Variants in CNTN3 observed in about 807,000 individuals in gnomAD.
The protein encoded by CNTN3 is contactin-3.
Under a neutral mutation model 119.1 loss-of-function variants are expected in CNTN3, and 60 were observed. The observed-to-expected ratio is 0.50, with a 90% CI of 0.41 to 0.62. CNTN3 has a LOEUF of 0.62. CNTN3 is among the 20% of genes least tolerant of loss of function. The pLI is 0.00. For missense variants in CNTN3, 1,101 were observed against 1,242.4 expected, an observed-to-expected ratio of 0.89 and a Z score of 1.71; for synonymous variants, 450 against 438.7, an observed-to-expected ratio of 1.03 and a Z score of -0.32.
At chr3:74,504,483 T>C (rs1703218143) in intron 2 of CNTN3, among the ~76,000 whole-genome samples, 1 of 152,166 alleles carries the variant, frequency 6.6e-6, no homozygotes, top group Non-Finnish European at 1.5e-5. Context: ...AGAAATGAGA[T>C]ATCTTCTATT....
chr3:74,578,128 C>T (rs887515286), intron 1 of CNTN3, among the ~76,000 whole-genome samples: 9 of 151,968 alleles, frequency 5.9e-5, no homozygotes, highest in Non-Finnish European at 1.0e-4. Flanking sequence ...TGAATGACTA[C>T]ATATTTGAAA....
chr3:74,461,396 T>C (rs1333498564), intron 4 of CNTN3, among the ~76,000 whole-genome samples: 1 of 152,086 alleles, frequency 6.6e-6, no homozygotes, highest in Non-Finnish European at 1.5e-5. Flanking sequence ...ATCTCTGTAA[T>C]GTCTTTTAAC....
chr3:74,326,248 T>C (rs1215134738), intron 13 of CNTN3, among the ~76,000 whole-genome samples: 1 of 152,154 alleles, frequency 6.6e-6, no homozygotes, highest in Non-Finnish European at 1.5e-5. Flanking sequence ...TTATCTATCT[T>C]TTCAGGGAGG....
intron 4 of CNTN3, among the ~76,000 whole-genome samples, chr3:74,456,930 C>T (rs1236786518): frequency 6.6e-6 from 1 of 151,978 alleles, no homozygotes; most frequent in Non-Finnish European, 1.5e-5. Flanking sequence ...TTTATGTACA[C>T]TCCACATACT....
chr3:74,421,033 C>T (rs1701607761), intron 5 of CNTN3, among the ~76,000 whole-genome samples: 1 of 152,156 alleles, frequency 6.6e-6, no homozygotes, highest in Non-Finnish European at 1.5e-5. Context: ...TGTACATTAT[C>T]ACACATCTTC....
chr3:74,279,698 T>C (rs1409297323), intron 20 of CNTN3, among the ~76,000 whole-genome samples: 3 of 152,038 alleles, frequency 2.0e-5, no homozygotes, highest in African/African-American at 7.2e-5. Flanking sequence ...TGTATACCAC[T>C]TGGGGGATGG....
intron 1 of CNTN3, among the ~76,000 whole-genome samples, chr3:74,575,656 C>T (rs1485204993): frequency 1.5e-5 from 2 of 134,112 alleles, no homozygotes; most frequent in Non-Finnish European, 3.3e-5. Flanking sequence ...TCAAACTACA[C>T]ACCCAGGGCT....
chr3:74,422,398 C>T (rs563812215), intron 5 of CNTN3, among the ~76,000 whole-genome samples: 1 of 152,322 alleles, frequency 6.6e-6, no homozygotes, highest in African/African-American at 2.4e-5. Flanking sequence ...ATTTGACTTA[C>T]ACTGTCATCC....
intron 4 of CNTN3, among the ~76,000 whole-genome samples, chr3:74,486,061 A>G (rs750315769): frequency 5.3e-5 from 8 of 149,896 alleles, no homozygotes; most frequent in Non-Finnish European, 8.9e-5. Flanking sequence ...AAAGTTCTTC[A>G]AAAGCAAGGA....
intron 1 of CNTN3, among the ~76,000 whole-genome samples, chr3:74,568,425 T>C (rs909310202): frequency 2.0e-5 from 3 of 152,194 alleles, no homozygotes; most frequent in African/African-American, 7.2e-5. Flanking sequence ...TAATTGCTGG[T>C]ATATCTGGAA....
rs570429907 is a variant in CNTN3 at position 74,570,065 on chromosome 3, C to A, written c.-81+44326G>T. Among the ~76,000 whole-genome samples the A allele has an allele frequency of 5.6e-4, 86 of 152,252 alleles. 3 individuals carry two copies. The South Asian group carries it at 0.018, about 32-fold the overall frequency. ...GCTTCTGCAAGCAGCCTGAGAAAAA[C>A]CTCTGCTTTAGAGGGTTCGTCCAAC... On this transcript the variant is annotated intron_variant, in intron 1 of 22. Transcript: ENST00000263665.
intron 4 of CNTN3, among the ~76,000 whole-genome samples, chr3:74,473,275 C>T (rs1037833031): frequency 7.9e-5 from 12 of 151,698 alleles, no homozygotes; most frequent in African/African-American, 2.9e-4. Flanking sequence ...AGGGGGTAGA[C>T]TCCTTCGTAA....
intron 19 of CNTN3, among the ~76,000 whole-genome samples, chr3:74,288,149 CTTTTCTTTTCT>C (rs1341376646): frequency 7.7e-6 from 1 of 130,106 alleles, no homozygotes; most frequent in African/African-American, 3.2e-5. Flanking sequence ...TTTTTCTTTT[CTTTTCTTTTCT>C]TTTTTTTTTT....
At chr3:74,506,099 C>A (rs962777696) in intron 2 of CNTN3, among the ~76,000 whole-genome samples, 1 of 152,146 alleles carries the variant, frequency 6.6e-6, no homozygotes. Context: ...CCTCTAATTG[C>A]AACCTGCCTA....
chr3:74,578,456 G>A (rs1002703915), intron 1 of CNTN3, among the ~76,000 whole-genome samples: 38 of 152,100 alleles, frequency 2.5e-4, no homozygotes, highest in African/African-American at 8.9e-4. Flanking sequence ...AGTTAAATGA[G>A]AGGACTTTTC....
Position 74,438,487 on chromosome 3 carries a change from T to C in CNTN3, c.359-13547A>G, listed in dbSNP as rs139690256. Among the ~76,000 whole-genome samples, 11 of 152,364 alleles carry C rather than the reference T, an allele frequency of 7.2e-5. No individual in the cohort carries two copies. The East Asian group carries it at 1.9e-3, about 27-fold the overall frequency. On this transcript the variant is annotated intron_variant, in intron 4 of 22. Coordinates refer to ENST00000263665, the MANE Select transcript of CNTN3 (RefSeq NM_020872.3). ...CAAAGATAAACCCTGTGTCTTTTCC[T>C]AGCCACATCTATCCAGACTTATTTG...
intron 4 of CNTN3, among the ~76,000 whole-genome samples, chr3:74,475,702 ACAGT>A (rs1702641596): frequency 6.6e-6 from 1 of 152,188 alleles, no homozygotes; most frequent in Non-Finnish European, 1.5e-5. Flanking sequence ...TATGTAATAT[ACAGT>A]CAATTTTTCT....
chr3:74,528,705 C>A (rs1183053642), intron 1 of CNTN3, among the ~76,000 whole-genome samples: 1 of 151,862 alleles, frequency 6.6e-6, no homozygotes, highest in African/African-American at 2.4e-5. Context: ...GTAATCAGAT[C>A]ATTAGAGAGC....
chr3:74,294,567 G>T (rs1384955068), intron 19 of CNTN3, among the ~76,000 whole-genome samples: 2 of 152,058 alleles, frequency 1.3e-5, no homozygotes, highest in Admixed American at 1.3e-4. Flanking sequence ...CATCCTTCTT[G>T]ACAACACAAA....
Sources: allele counts gnomAD v4.1 joint callset (sites outside exome capture counted in the v4.1 genomes callset), GRCh38; gene constraint gnomAD v4.1.1; transcripts MANE v1.5; gene names NCBI Gene and HGNC (gene_info 2026-07-23, HGNC 2026-07-21).